Variants in SCMH1 observed in about 807,000 individuals in gnomAD.
SCMH1 encodes Scm polycomb group protein homolog 1.
Under a neutral mutation model 70.8 loss-of-function variants are expected in SCMH1, and 37 were observed. That is an observed-to-expected ratio of 0.52 (90% CI 0.40 to 0.69). The LOEUF (loss-of-function observed/expected upper bound fraction) is 0.69, where lower values mean the gene tolerates loss of function less well. Among genes scored for constraint, SCMH1 ranks in the 30% least tolerant of loss-of-function variants. The pLI, the probability that SCMH1 is intolerant of heterozygous loss-of-function variation, is 0.00. For synonymous variants in SCMH1, 292 were observed against 307.4 expected (o/e 0.95, Z 0.52); for missense variants, 607 against 827.3 (o/e 0.73, Z 3.27).
chr1:41,083,680 C>T (rs111736229), intron 8 of SCMH1, among the ~76,000 whole-genome samples: 2 of 152,108 alleles, frequency 1.3e-5, no homozygotes, highest in African/African-American at 2.4e-5. Flanking sequence ...CAATCCTAAG[C>T]CAAAAGAACA....
At chr1:41,148,051 C>T (rs377321941) in intron 5 of SCMH1, among the ~76,000 whole-genome samples, 208 of 152,212 alleles carry the variant, frequency 1.4e-3, no homozygotes, top group African/African-American at 4.8e-3. Flanking sequence ...AAACATTTTG[C>T]TATTTTTTCC....
intron 8 of SCMH1, among the ~76,000 whole-genome samples, chr1:41,112,625 A>G (rs780703262): frequency 1.1e-4 from 16 of 152,034 alleles, no homozygotes. Context: ...CTATAATAGC[A>G]GCAGTAATAC....
At chr1:41,151,748 A>G in intron 4 of SCMH1, 64 bp from the exon 5 acceptor site, 1 of 1,116,668 alleles carries the variant, frequency 9.0e-7, no homozygotes, top group Non-Finnish European at 1.3e-6. Flanking sequence ...TCAGGGTATA[A>G]TCTACACTAA....
chr1:41,135,605 A>C (rs1194776786), intron 6 of SCMH1, among the ~76,000 whole-genome samples: 1 of 152,174 alleles, frequency 6.6e-6, no homozygotes, highest in Non-Finnish European at 1.5e-5. Flanking sequence ...TCTTCCCTTT[A>C]TAATTACCCA....
intron 4 of SCMH1, among the ~76,000 whole-genome samples, chr1:41,158,077 A>G (rs1645705248): frequency 6.6e-6 from 1 of 152,204 alleles, no homozygotes; most frequent in East Asian, 1.9e-4. Context: ...TCTGAGTTTA[A>G]ATGATTACCT....
intron 1 of SCMH1, among the ~76,000 whole-genome samples, chr1:41,230,548 C>T (rs1382286176): frequency 6.6e-6 from 1 of 151,730 alleles, no homozygotes; most frequent in Non-Finnish European, 1.5e-5. Context: ...GTCTTACCTA[C>T]TCAGAAGGCT....
intron 2 of SCMH1, among the ~76,000 whole-genome samples, chr1:41,182,688 G>A (rs533733188): frequency 2.2e-4 from 33 of 151,914 alleles, no homozygotes; most frequent in Admixed American, 1.5e-3. Context: ...TCCAGCCTGG[G>A]GAACAGAGCA....
At chr1:41,148,383 T>C (rs1644775195) in intron 5 of SCMH1, among the ~76,000 whole-genome samples, 1 of 152,192 alleles carries the variant, frequency 6.6e-6, no homozygotes, top group Non-Finnish European at 1.5e-5. Context: ...TTTGATATCA[T>C]TTTCTTTCTG....
chr1:41,161,622 A>T, intron 2 of SCMH1, 190 bp from the exon 3 acceptor site: 4 of 511,538 alleles, frequency 7.8e-6, no homozygotes, highest in Non-Finnish European at 1.3e-5. Context: ...ACAATAACAA[A>T]AAAAGGAACA....
chr1:41,037,503 A>C, exon 13 of SCMH1: 1 of 1,614,230 alleles, frequency 6.2e-7, no homozygotes. Context: ...TGTGGTTCCA[A>C]GGAGCGGGCC....
chr1:41,210,912 C>T (rs562558390), intron 1 of SCMH1, among the ~76,000 whole-genome samples: 143 of 151,958 alleles, frequency 9.4e-4, no homozygotes, highest in Admixed American at 3.1e-3. Flanking sequence ...CTGGCTCAAG[C>T]GATTCTCCTG....
intron 6 of SCMH1, among the ~76,000 whole-genome samples, chr1:41,127,129 A>C (rs946459027): frequency 3.3e-5 from 5 of 152,162 alleles, no homozygotes; most frequent in African/African-American, 1.2e-4. Flanking sequence ...GTGAATTTTC[A>C]TATGTCTGAG....
At chr1:41,104,959 CT>C (rs55878444) in intron 8 of SCMH1, among the ~76,000 whole-genome samples, 44,194 of 149,278 alleles carry the variant, frequency 0.3, 7,331 homozygotes, top group East Asian at 0.51. Flanking sequence ...ATTAAACAGC[CT>C]TTTTTTTTTT....
intron 2 of SCMH1, among the ~76,000 whole-genome samples, chr1:41,181,453 A>G (rs993636472): frequency 1.3e-5 from 2 of 152,254 alleles, no homozygotes; most frequent in African/African-American, 4.8e-5. Context: ...TACTCATCTC[A>G]CAAAGGGTTA....
intron 2 of SCMH1, chr1:41,163,066 A>G (rs213747): frequency 0.64 from 97,695 of 151,912 alleles, 32,773 homozygotes; most frequent in African/African-American, 0.84. Flanking sequence ...CCCTTTGGGG[A>G]GCCCAGACCT....
chr1:41,046,648 C>T (rs750147243), intron 11 of SCMH1, 50 bp from the exon 12 acceptor site: 8 of 1,440,152 alleles, frequency 5.6e-6, no homozygotes, highest in African/African-American at 1.4e-5. Flanking sequence ...CAGTGGAGTA[C>T]AGCGCTAGGC....
intron 1 of SCMH1, among the ~76,000 whole-genome samples, chr1:41,235,253 C>T (rs1009281266): frequency 6.6e-6 from 1 of 152,042 alleles, no homozygotes; most frequent in Admixed American, 6.6e-5. Context: ...TTTCTTTATA[C>T]TTCTGCTGTC....
At chr1:41,104,867 T>C (rs1334735485) in intron 8 of SCMH1, among the ~76,000 whole-genome samples, 1 of 152,142 alleles carries the variant, frequency 6.6e-6, no homozygotes, top group East Asian at 1.9e-4. Context: ...GGTGAGTGAA[T>C]ATGGGCTCTG....
chr1:41,242,165 G>C (rs896481014), upstream of SCMH1: 1 of 147,746 alleles, frequency 6.8e-6, no homozygotes, highest in African/African-American at 2.5e-5. The surrounding 1 kb of genome is among the most constrained non-coding windows in gnomAD (Gnocchi z 5.2). Context: ...CGGGCGGCTC[G>C]GGAGAGCGGC....
Sources: allele counts gnomAD v4.1 joint callset (sites outside exome capture counted in the v4.1 genomes callset), GRCh38; gene constraint gnomAD v4.1.1; non-coding constraint Gnocchi (gnomAD v3.1); transcripts MANE v1.5; gene names NCBI Gene and HGNC (gene_info 2026-07-23, HGNC 2026-07-21).